Variants in KHDRBS2 observed in about 807,000 individuals in gnomAD.
KHDRBS2 encodes the protein KH RNA binding domain containing, signal transduction associated 2.
Under a neutral mutation model 44.3 loss-of-function variants are expected in KHDRBS2, and 26 were observed. The observed-to-expected ratio is 0.59, with a 90% CI of 0.43 to 0.81. The LOEUF is 0.81. Among genes scored for constraint, KHDRBS2 ranks in the 40% least tolerant of loss-of-function variants. KHDRBS2 has a pLI of 0.00. For missense variants in KHDRBS2, 476 were observed against 433.1 expected (o/e 1.10, Z -0.88); for synonymous variants, 194 against 151.1 (o/e 1.28, Z -2.08).
chr6:61,905,912 G>C (rs2127347014), intron 4 of KHDRBS2, among the ~76,000 whole-genome samples: 1 of 141,900 alleles, frequency 7.0e-6, no homozygotes, highest in East Asian at 2.1e-4. Flanking sequence ...CTGGAGTGCA[G>C]TGGCATGATC....
At chr6:61,877,657 C>A (rs1309746872) in intron 6 of KHDRBS2, among the ~76,000 whole-genome samples, 1 of 151,768 alleles carries the variant, frequency 6.6e-6, no homozygotes, top group African/African-American at 2.4e-5. Context: ...GGAGCAAGGG[C>A]TAAAATTGCC....
intron 6 of KHDRBS2, among the ~76,000 whole-genome samples, chr6:61,755,429 G>T (rs1030993623): frequency 1.3e-5 from 2 of 152,052 alleles, no homozygotes; most frequent in African/African-American, 2.4e-5. Flanking sequence ...AAACTAGTCT[G>T]CAGAAAAACA....
intron 3 of KHDRBS2, among the ~76,000 whole-genome samples, chr6:62,029,198 TTAAA>T (rs1783906955): frequency 6.6e-6 from 1 of 151,980 alleles, no homozygotes. Context: ...TTTAACAATG[TTAAA>T]TTAACAAAAA....
At chr6:61,813,042 T>C (rs970083043) in intron 6 of KHDRBS2, among the ~76,000 whole-genome samples, 3 of 152,134 alleles carry the variant, frequency 2.0e-5, no homozygotes, top group Non-Finnish European at 4.4e-5. Flanking sequence ...TACCATTATA[T>C]GTAATGTGCA....
At chr6:62,017,634 T>A (rs1450243823) in intron 3 of KHDRBS2, among the ~76,000 whole-genome samples, 1 of 152,110 alleles carries the variant, frequency 6.6e-6, no homozygotes, top group African/African-American at 2.4e-5. Context: ...GATGATCTTT[T>A]TTCCCCATTT....
chr6:61,713,641 A>G (rs1277533430), intron 7 of KHDRBS2, among the ~76,000 whole-genome samples: 3 of 148,488 alleles, frequency 2.0e-5, no homozygotes, highest in Non-Finnish European at 4.5e-5. Context: ...TTGATTCCAT[A>G]TGAATCTCAA....
At chr6:62,153,672 C>T (rs1293036480) in intron 2 of KHDRBS2, among the ~76,000 whole-genome samples, 2 of 152,150 alleles carry the variant, frequency 1.3e-5, no homozygotes, top group African/African-American at 2.4e-5. Flanking sequence ...TGCTTACTTA[C>T]ATCATGGTGA....
At chr6:62,234,831 G>T (rs1320365822) in intron 1 of KHDRBS2, among the ~76,000 whole-genome samples, 1 of 151,892 alleles carries the variant, frequency 6.6e-6, no homozygotes, top group Non-Finnish European at 1.5e-5. Context: ...GGCTAAAGTA[G>T]ATTTGACAAA....
chr6:62,001,182 C>T (rs902991383), intron 3 of KHDRBS2, among the ~76,000 whole-genome samples: 7 of 152,080 alleles, frequency 4.6e-5, no homozygotes, highest in African/African-American at 1.2e-4. Flanking sequence ...AGAGCAAAGT[C>T]CTTAAAGAAT....
At chr6:61,725,119 T>C (rs1490654856) in intron 7 of KHDRBS2, among the ~76,000 whole-genome samples, 1 of 152,148 alleles carries the variant, frequency 6.6e-6, no homozygotes, top group African/African-American at 2.4e-5. Context: ...CAGACCACAG[T>C]GCAATCAAAT....
At chr6:61,684,922 T>C (rs1431338105) in intron 8 of KHDRBS2, among the ~76,000 whole-genome samples, 2 of 151,310 alleles carry the variant, frequency 1.3e-5, no homozygotes, top group African/African-American at 4.8e-5. Context: ...ATTTATTATA[T>C]GAATAATAAA....
intron 7 of KHDRBS2, among the ~76,000 whole-genome samples, chr6:61,715,787 T>C (rs1771295607): frequency 8.3e-6 from 1 of 120,546 alleles, no homozygotes; most frequent in Non-Finnish European, 1.6e-5. Context: ...ATTTCCTGTA[T>C]ACTGAGTTTT....
intron 1 of KHDRBS2, among the ~76,000 whole-genome samples, chr6:62,249,833 T>TG (rs1244510201): frequency 2.0e-5 from 3 of 152,064 alleles, no homozygotes; most frequent in Non-Finnish European, 4.4e-5. Context: ...ATTAAAGTCA[T>TG]GATGAACACT....
chr6:61,644,084 A>G, the KHDRBS2 span, among the ~76,000 whole-genome samples: 2 of 152,174 alleles, frequency 1.3e-5, no homozygotes, highest in Non-Finnish European at 2.9e-5. Flanking sequence ...CCAAAACAGC[A>G]TGGTTCTGGT....
At chr6:62,154,677 G>A (rs1403354987) in intron 2 of KHDRBS2, among the ~76,000 whole-genome samples, 2 of 152,034 alleles carry the variant, frequency 1.3e-5, no homozygotes, top group African/African-American at 2.4e-5. Flanking sequence ...AAAAATCAAG[G>A]GAGCAAAAAT....
chr6:62,162,497 T>C (rs1286845199), intron 2 of KHDRBS2, among the ~76,000 whole-genome samples: 1 of 152,142 alleles, frequency 6.6e-6, no homozygotes. Flanking sequence ...CTCTTGCTGC[T>C]TTCAAGATTC....
the KHDRBS2 span, among the ~76,000 whole-genome samples, chr6:61,583,866 C>G: frequency 6.6e-6 from 1 of 150,512 alleles, no homozygotes; most frequent in Non-Finnish European, 1.5e-5. Flanking sequence ...CTCATTTAGT[C>G]CTTTTTAAGT....
chr6:62,013,987 T>C (rs1406246448), intron 3 of KHDRBS2, among the ~76,000 whole-genome samples: 1 of 152,214 alleles, frequency 6.6e-6, no homozygotes, highest in Non-Finnish European at 1.5e-5. Context: ...AAAGCAGTTA[T>C]GTGTGACGAG....
the KHDRBS2 span, among the ~76,000 whole-genome samples, chr6:61,561,694 G>T: frequency 6.6e-6 from 1 of 152,024 alleles, no homozygotes; most frequent in African/African-American, 2.4e-5. Context: ...AAGACTCTTC[G>T]GTCAGCTTGT....
Sources: gnomAD v4.1 joint callset for allele counts (sites outside exome capture counted in the v4.1 genomes callset) on GRCh38, gnomAD v4.1.1 for gene constraint, MANE v1.5 for transcripts, NCBI Gene and HGNC (gene_info 2026-07-23, HGNC 2026-07-21) for gene names.